The following CSGALNACT1 variants were observed in gnomAD, a reference collection of about 807,000 sequenced individuals.
CSGALNACT1 encodes beta4GalNAcT-1.
In CSGALNACT1, 52 loss-of-function variants were observed where a neutral mutation model predicts 51.0. The observed-to-expected ratio is 1.02, with a 90% CI of 0.82 to 1.29. CSGALNACT1 has a LOEUF of 1.29. Ranked by LOEUF, CSGALNACT1 falls within the 50% of genes most tolerant of loss-of-function variation. The pLI is 0.00. For missense variants in CSGALNACT1, 935 were observed against 679.2 expected (o/e 1.38, Z -4.19); for synonymous variants, 341 against 254.4 (o/e 1.34, Z -3.24).
chr8:19,404,596 T>G (rs2053784105), exon 10 of CSGALNACT1: 1 of 422,656 alleles, frequency 2.4e-6, no homozygotes, highest in African/African-American at 2.3e-5. Context: ...GCAGATGGAT[T>G]GATCTTTCAC....
chr8:19,535,178 CA>C (rs1457448861), intron 3 of CSGALNACT1, among the ~76,000 whole-genome samples: 5 of 152,080 alleles, frequency 3.3e-5, no homozygotes, highest in South Asian at 4.2e-4. Context: ...CTGCTACTGA[CA>C]TATAAATGAC....
intron 3 of CSGALNACT1, among the ~76,000 whole-genome samples, chr8:19,561,267 C>T (rs1282829901): frequency 1.3e-5 from 2 of 152,146 alleles, no homozygotes; most frequent in South Asian, 4.1e-4. Flanking sequence ...TATTCATTAA[C>T]CTCTACATTT....
chr8:19,606,341 G>A (rs375704247), upstream of CSGALNACT1, among the ~76,000 whole-genome samples: 1 of 152,170 alleles, frequency 6.6e-6, no homozygotes, highest in African/African-American at 2.4e-5. Context: ...GGCACTGGAG[G>A]ATAGAGCAGG....
At chr8:19,432,208 T>A (rs2059751032) in intron 6 of CSGALNACT1, among the ~76,000 whole-genome samples, 1 of 152,178 alleles carries the variant, frequency 6.6e-6, no homozygotes, top group African/African-American at 2.4e-5. Flanking sequence ...TTTGCCTTCA[T>A]TTGTAAGGAA....
chr8:19,659,209 G>A (rs1051491311), intron 1 of CSGALNACT1, among the ~76,000 whole-genome samples: 3 of 152,160 alleles, frequency 2.0e-5, no homozygotes, highest in South Asian at 4.1e-4. Flanking sequence ...CTCAGTATAC[G>A]TAGCATTTCT....
intron 1 of CSGALNACT1, among the ~76,000 whole-genome samples, chr8:19,660,391 G>T (rs1259623509): frequency 6.6e-6 from 1 of 152,112 alleles, no homozygotes; most frequent in Non-Finnish European, 1.5e-5. Context: ...TGTAAATTGG[G>T]GATAATTATA....
At chr8:19,464,202 T>C (rs1243115178) in intron 4 of CSGALNACT1, among the ~76,000 whole-genome samples, 2 of 152,166 alleles carry the variant, frequency 1.3e-5, no homozygotes, top group Admixed American at 6.5e-5. Flanking sequence ...CTGCCTTCCC[T>C]ACCTTCCTAC....
At chr8:19,436,190 T>C (rs565926579) in intron 6 of CSGALNACT1, among the ~76,000 whole-genome samples, 1 of 152,360 alleles carries the variant, frequency 6.6e-6, no homozygotes, top group African/African-American at 2.4e-5. Context: ...TACATGCATT[T>C]AGCTGGATTT....
chr8:19,609,945 G>T (rs1429596072), intron 1 of CSGALNACT1, among the ~76,000 whole-genome samples: 1 of 152,084 alleles, frequency 6.6e-6, no homozygotes, highest in Admixed American at 6.6e-5. Context: ...AAGAGGCCGG[G>T]CACGGTGGCT....
intron 1 of CSGALNACT1, among the ~76,000 whole-genome samples, chr8:19,724,423 G>A (rs888185255): frequency 6.6e-6 from 1 of 152,186 alleles, no homozygotes; most frequent in Non-Finnish European, 1.5e-5. Context: ...AGCAATGGCT[G>A]GCTGAGTTTT....
intron 1 of CSGALNACT1, among the ~76,000 whole-genome samples, chr8:19,679,324 G>A (rs906763850): frequency 6.6e-5 from 10 of 152,006 alleles, no homozygotes; most frequent in Admixed American, 1.3e-4. Context: ...GTTTGGTGAT[G>A]TGCATCTCTA....
rs537303127 is a variant in CSGALNACT1 at position 19,700,489 on chromosome 8, G to A, written c.-297+57361C>T. Among the ~76,000 whole-genome samples, 9 of 152,258 alleles carry A rather than the reference G, an allele frequency of 5.9e-5. No individual in the cohort carries two copies. In the East Asian group the frequency reaches 1.7e-3, roughly 29 times the overall value. On this transcript the variant is annotated intron_variant, in intron 1 of 1. Coordinates refer to the CSGALNACT1 transcript ENST00000517494. ...TATTATTGACAAAGTAGTTATGGGT[G>A]AAAATATGATAGAAAGGATACGGAC...
At chr8:19,534,968 A>T (rs762315348) in intron 3 of CSGALNACT1, among the ~76,000 whole-genome samples, 7 of 152,202 alleles carry the variant, frequency 4.6e-5, no homozygotes, top group Non-Finnish European at 8.8e-5. Context: ...CTGCCGAAAT[A>T]TATGTGGTGG....
chr8:19,466,440 C>A (rs2066695267), intron 4 of CSGALNACT1, among the ~76,000 whole-genome samples: 1 of 152,208 alleles, frequency 6.6e-6, no homozygotes, highest in Non-Finnish European at 1.5e-5. Flanking sequence ...GCACCATAAA[C>A]ACACATTCTG....
chr8:19,466,175 G>C (rs1044268256), intron 4 of CSGALNACT1, among the ~76,000 whole-genome samples: 1 of 152,132 alleles, frequency 6.6e-6, no homozygotes, highest in Admixed American at 6.5e-5. Flanking sequence ...AGAAAACAAA[G>C]AATATTTGGG....
At chr8:19,506,774 G>A (rs1443547336) in intron 3 of CSGALNACT1, among the ~76,000 whole-genome samples, 1 of 152,158 alleles carries the variant, frequency 6.6e-6, no homozygotes. Context: ...AATGCCTGCT[G>A]ACCGTCACCT....
chr8:19,587,757 C>T (rs1241733241), intron 3 of CSGALNACT1: 1 of 152,162 alleles, frequency 6.6e-6, no homozygotes, highest in East Asian at 1.9e-4. Context: ...GCCTGGAATG[C>T]CACAGTTATC....
intron 6 of CSGALNACT1, among the ~76,000 whole-genome samples, chr8:19,439,299 T>C (rs930532377): frequency 2.6e-5 from 4 of 152,252 alleles, no homozygotes; most frequent in East Asian, 1.9e-4. Flanking sequence ...CTGAGTAAGT[T>C]TGATCAAGGA....
At chr8:19,700,908 T>C (rs10448138) in intron 1 of CSGALNACT1, among the ~76,000 whole-genome samples, 152,263 of 152,264 alleles carry the variant, frequency 1, 76,131 homozygotes, top group Non-Finnish European at 1. Context: ...GGCAAAATTT[T>C]TGGAGAAATT....
Sources: gnomAD v4.1 joint callset for allele counts (sites outside exome capture counted in the v4.1 genomes callset) on GRCh38, gnomAD v4.1.1 for gene constraint, MANE v1.5 for transcripts, NCBI Gene and HGNC (gene_info 2026-07-23, HGNC 2026-07-21) for gene names.